Variants in ESAM observed in about 807,000 individuals in gnomAD.
ESAM encodes the protein endothelial cell-selective adhesion molecule.
A neutral mutation model predicts 31.8 loss-of-function variants in ESAM; 23 were observed. That is an observed-to-expected ratio of 0.72 (90% CI 0.52 to 1.03). ESAM has a LOEUF of 1.03. Among genes scored for constraint, ESAM ranks in the 50% least tolerant of loss-of-function variants. The pLI, the probability that ESAM is intolerant of heterozygous loss-of-function variation, is 0.00. For synonymous variants in ESAM, 216 were observed against 207.2 expected, an observed-to-expected ratio of 1.04 and a Z score of -0.37; for missense variants, 478 against 488.9, an observed-to-expected ratio of 0.98 and a Z score of 0.21.
intron 1 of ESAM, among the ~76,000 whole-genome samples, chr11:124,760,890 G>T (rs142100051): frequency 0.012 from 1,756 of 152,344 alleles, 17 homozygotes; most frequent in Non-Finnish European, 0.018. Flanking sequence ...GGAAAGGCGG[G>T]ATGAGAAGTC....
Position 124,757,725 on chromosome 11 carries a change from T to A in ESAM, c.249+624A>T, listed in dbSNP as rs565943626. Among the ~76,000 whole-genome samples the A allele has an allele frequency of 5.8e-4, 76 of 130,120 alleles. 3 individuals are homozygous for A. In the South Asian group the frequency reaches 0.018, roughly 30 times the overall value. The allele number at this position is 130,120 out of a possible 152,430, so 85.4% of individuals were successfully genotyped here. On this transcript the variant is annotated intron_variant, in intron 2 of 6. Transcript: ENST00000278927. ...TTTTTTTTTTTTTTTTGAGACAGAG[T>A]CTTACTCCGTCGCCCAGGCTGAAGT... is the stretch of plus-strand genomic sequence containing the variant.
chr11:124,759,597 C>T lies in ESAM; in HGVS notation c.71-1070G>A, dbSNP rs1944202811. On this transcript the variant is annotated intron_variant, in intron 1 of 6. Transcript: ENST00000278927. The surrounding 1 kb of genome is among the most constrained non-coding windows in gnomAD (Gnocchi z 6.8). ...AGAGGCCGCAGCCAGGCCCCGCTCT[C>T]CACCCTCGCCCTAGGAGAGCCAGGC... 6.6e-6 allele frequency among the ~76,000 whole-genome samples: 1 copy of T among 152,118 alleles called. No individual in the cohort carries two copies. The highest frequency in any genetic ancestry group is 1.5e-5 in the Non-Finnish European group (1 of 68,034).
Position 124,753,587 on chromosome 11 carries a change from A to G in ESAM, c.*59T>C. 6.3e-7 allele frequency: 1 copy of G among 1,587,848 alleles called. No individual in the cohort carries two copies. The highest frequency in any genetic ancestry group is 8.6e-7 in the Non-Finnish European group (1 of 1,163,196). ...CCCATGACTCAGGCCTCTGTGCTAG[A>G]GGTGACCCTTATAGGAAGGAGAGAC... On this transcript the variant is annotated 3_prime_UTR_variant, in exon 7 of 7. Coordinates refer to ENST00000278927, the MANE Select transcript of ESAM (RefSeq NM_138961.3).
Position 124,758,540 on chromosome 11 carries a change from G to A in ESAM, c.71-13C>T, listed in dbSNP as rs1944185711. 10 of 1,523,090 alleles carry A rather than the reference G, an allele frequency of 6.6e-6. No homozygotes were observed. Among genetic ancestry groups the A allele is most frequent in the African/African-American group, 1.4e-5 (1 of 72,554 alleles). 94.3% of individuals were successfully genotyped at this position (1,523,090 alleles called of 1,614,324 possible). A position where few individuals can be genotyped will look rare whatever the true frequency, so the allele number is the denominator to read the frequency against. On this transcript the variant is annotated splice_polypyrimidine_tract_variant and intron_variant, in intron 1 of 6. Transcript: ENST00000278927. ...CGCGAGGGGGGCGCTGGAGACAAGA[G>A]CGAGGCGTGAGTGCCCAGGACCGGC...
chr11:124,757,825 G>A (rs906172934), intron 2 of ESAM, among the ~76,000 whole-genome samples: 1 of 151,028 alleles, frequency 6.6e-6, no homozygotes, highest in Non-Finnish European at 1.5e-5. Flanking sequence ...AGCCTCCCAA[G>A]TAGCTGGGAT....
In ESAM at chr11:124,753,824, G is replaced by T; in HGVS notation, c.995C>A (p.Thr332Asn). Reference sequence around the variant, plus strand: ...CTGGCTGGAGAGACTGGGCGTGGGGGTCAATGCACCAGGCCTGGGAGGGCC... The same window carrying T: ...CTGGCTGGAGAGACTGGGCGTGGGGTTCAATGCACCAGGCCTGGGAGGGCC... ...PHGPPRPGAL[T>N]PTPSLSSQAL... Residue 332 changes from threonine to asparagine, a missense_variant, in exon 7 of 7, where the codon ACC becomes AAC. Physicochemically the swap from Thr to Asn is moderately conservative, Grantham distance 65. Coordinates refer to ENST00000278927, the MANE Select transcript of ESAM (RefSeq NM_138961.3). The T allele has an allele frequency of 1.2e-6, 2 of 1,613,640 alleles. No individual in the cohort carries two copies. Among genetic ancestry groups the T allele is most frequent in the South Asian group, 1.1e-5 (1 of 90,994 alleles).
chr11:124,762,112 A>G lies in ESAM; in HGVS notation c.43T>C (p.Phe15Leu). The change falls in exon 1 of 7, where the codon TTT (phenylalanine) becomes CTT (leucine). Residue 15 changes from phenylalanine to leucine, a missense_variant. Coordinates refer to ENST00000278927, the MANE Select transcript of ESAM (RefSeq NM_138961.3). The surrounding 1 kb of genome is among the most constrained non-coding windows in gnomAD (Gnocchi z 6.4). ...PGPLVTNLLR[F>L]LFLGLSALAP... is the part of the protein sequence containing the mutation. ...AGGGCACTCAGCCCCAGGAACAAAA[A>G]CCGCAGCAAGTTGGTCACCAGGGGC... is the stretch of plus-strand genomic sequence containing the variant. 1.2e-6 allele frequency: 2 copies of G among 1,609,164 alleles called. No homozygotes were observed. Among genetic ancestry groups the G allele is most frequent in the Non-Finnish European group, 8.5e-7 (1 of 1,177,678 alleles).
In ESAM at chr11:124,753,573, G is replaced by A; in HGVS notation, c.*73C>T. On this transcript the variant is annotated 3_prime_UTR_variant, in exon 7 of 7. Coordinates refer to ENST00000278927, the MANE Select transcript of ESAM (RefSeq NM_138961.3). The stretch of plus-strand genomic sequence containing the variant: ...GAGTGTGACTCTTTCCCATGACTCA[G>A]GCCTCTGTGCTAGAGGTGACCCTTA... 6.5e-7 allele frequency: 1 copy of A among 1,536,848 alleles called. No individual in the cohort carries two copies. Among genetic ancestry groups the A allele is most frequent in the South Asian group, 1.1e-5 (1 of 87,646 alleles).
At chr11:124,757,298 G>A (rs1944167114) in intron 2 of ESAM, 1 of 157,780 alleles carries the variant, frequency 6.3e-6, no homozygotes, top group African/African-American at 2.4e-5. Flanking sequence ...TGGCATGGTG[G>A]CGTGTGCTTG....
chr11:124,756,164 C>T, intron 4 of ESAM, 43 bp downstream of exon 4: 2 of 1,611,538 alleles, frequency 1.2e-6, no homozygotes, highest in Non-Finnish European at 1.7e-6. Flanking sequence ...CATCTTTCCC[C>T]TTCCCCAGCC....
Position 124,756,626 on chromosome 11 carries a change from G to C in ESAM, c.366C>G (p.Gly122=), listed in dbSNP as rs146692848. The C allele has an allele frequency of 7.7e-4, 1,243 of 1,614,028 alleles. No individual in the cohort carries two copies. The highest frequency in any genetic ancestry group is 1.0e-3 in the Non-Finnish European group (1,206 of 1,180,030). ...GCACATTCACGGAGCAGCTGTAGGGGCCAGAGTCTTTCTCCTGGAGACCCT... is the reference window on the plus strand; with the variant it reads ...GCACATTCACGGAGCAGCTGTAGGGCCCAGAGTCTTTCTCCTGGAGACCCT... ...RLEGLQEKDS[G]PYSCSVNVQD... The change falls in exon 3 of 7, where the codon GGC becomes GGG. Residue 122 remains glycine, a synonymous_variant. Transcript: ENST00000278927.
chr11:124,757,687 T>C (rs904072506), intron 2 of ESAM: 5 of 148,908 alleles, frequency 3.4e-5, no homozygotes, highest in Non-Finnish European at 7.4e-5. Flanking sequence ...AACAGAAATA[T>C]GCTAACTTTT....
At chr11:124,761,333 G>C (rs949721148) in intron 1 of ESAM, among the ~76,000 whole-genome samples, 11 of 152,160 alleles carry the variant, frequency 7.2e-5, no homozygotes, top group African/African-American at 2.2e-4. Flanking sequence ...GCCCCTGGAG[G>C]CCTACAACAC....
chr11:124,753,526 G>A lies in ESAM; in HGVS notation c.*120C>T. 1.9e-6 allele frequency: 2 copies of A among 1,052,488 alleles called. No individual in the cohort carries two copies. 65.2% of individuals were successfully genotyped at this position (1,052,488 alleles called of 1,614,324 possible). On this transcript the variant is annotated 3_prime_UTR_variant, in exon 7 of 7. Coordinates refer to ENST00000278927, the MANE Select transcript of ESAM (RefSeq NM_138961.3). ...GGTTTTCCCACAGTAAAGAGAGGTG[G>A]GGGCAGAGTACTAAGGGTCAGGAGT...
chr11:124,754,103 T>C lies in ESAM; in HGVS notation c.857+111A>G. ...CTCCCTTAAAACCTGCCCATAGGAA[T>C]GATGTTTCAGCCACTGACCCCATCC... On this transcript the variant is annotated intron_variant, in intron 6 of 6. Transcript: ENST00000278927. The surrounding 1 kb of genome is among the most constrained non-coding windows in gnomAD (Gnocchi z 4.5). The C allele has an allele frequency of 6.4e-7, 1 of 1,555,424 alleles. No homozygotes were observed.
chr11:124,753,918 A>T lies in ESAM; in HGVS notation c.901T>A (p.Ser301Thr), dbSNP rs770296401. ...APRTLPWPKS[S>T]DTISKNGTLS... ...GTCCCATTCTTGGAGATTGTGTCTG[A>T]GCTCTTGGGCCAGGGCAGGGTCCGG... Residue 301 changes from serine (S) to threonine (T), a missense_variant, in exon 7 of 7, where the codon TCA (serine) becomes ACA (threonine). By Grantham distance (58) the Ser-to-Thr change is moderately conservative. Transcript: ENST00000278927. 1.9e-6 allele frequency: 3 copies of T among 1,613,918 alleles called. No homozygotes were observed. Among genetic ancestry groups the T allele is most frequent in the Non-Finnish European group, 2.5e-6 (3 of 1,179,992 alleles).
Position 124,753,392 on chromosome 11 carries a change from A to G in ESAM, c.*254T>C, listed in dbSNP as rs1207485012. 4.0e-6 allele frequency: 2 copies of G among 503,002 alleles called. No individual in the cohort carries two copies. The highest frequency in any genetic ancestry group is 7.1e-6 in the Non-Finnish European group (2 of 281,682). 31.2% of individuals were successfully genotyped at this position (503,002 alleles called of 1,614,324 possible). A position where few individuals can be genotyped will look rare whatever the true frequency, so the allele number is the denominator to read the frequency against. On this transcript the variant is annotated 3_prime_UTR_variant, in exon 7 of 7. Transcript: ENST00000278927. Reference sequence around the variant, plus strand: ...TCACTCTTGGTGAGTAGCTAATTTCAGCAGCTGGCTTCATAAGGAGGAGTC... The same window carrying G: ...TCACTCTTGGTGAGTAGCTAATTTCGGCAGCTGGCTTCATAAGGAGGAGTC...
In ESAM at chr11:124,754,038, T is replaced by C; in HGVS notation, c.858-77A>G. 3.8e-6 allele frequency: 6 copies of C among 1,573,546 alleles called. No individual in the cohort carries two copies. The highest frequency in any genetic ancestry group is 1.2e-5 in the South Asian group (1 of 86,158). ...GAGAGTTTCTACCTGCTTGGTCTTATATACCACCTCTGCCTGCACACTTCA... is the reference window on the plus strand; with the variant it reads ...GAGAGTTTCTACCTGCTTGGTCTTACATACCACCTCTGCCTGCACACTTCA... On this transcript the variant is annotated intron_variant, in intron 6 of 6. Coordinates refer to ENST00000278927, the MANE Select transcript of ESAM (RefSeq NM_138961.3). This position sits in a 1 kb window ranked among gnomAD's most constrained non-coding sequence, Gnocchi z 4.5.
At position 124,759,121 on chromosome 11, in the gene ESAM, C is replaced by G. The variant is rs960825941; in HGVS notation, c.71-594G>C. 2 of 152,334 alleles carry G rather than the reference C, an allele frequency of 1.3e-5. No individual in the cohort carries two copies. The highest frequency in any genetic ancestry group is 4.8e-5 in the African/African-American group (2 of 41,456). 9.4% of individuals were successfully genotyped at this position (152,334 alleles called of 1,614,324 possible). ...CAGTGAATGCGATGCTCCCCGCCCT[C>G]CCGCGCAATCTCAGAGGCGGGCTTC... is the stretch of plus-strand genomic sequence containing the variant. On this transcript the variant is annotated intron_variant, in intron 1 of 6. Coordinates refer to ENST00000278927, the MANE Select transcript of ESAM (RefSeq NM_138961.3). This position sits in a 1 kb window ranked among gnomAD's most constrained non-coding sequence, Gnocchi z 6.8.
Sources: allele counts gnomAD v4.1 joint callset (sites outside exome capture counted in the v4.1 genomes callset), GRCh38; gene constraint gnomAD v4.1.1; non-coding constraint Gnocchi (gnomAD v3.1); transcripts MANE v1.5; gene names NCBI Gene and HGNC (gene_info 2026-07-23, HGNC 2026-07-21).